The following TMTC1 variants were observed in gnomAD, a reference collection of about 807,000 sequenced individuals.
TMTC1 encodes transmembrane O-mannosyltransferase targeting cadherins 1.
Under a neutral mutation model 104.8 loss-of-function variants are expected in TMTC1, and 73 were observed. That is an observed-to-expected ratio of 0.70 (90% CI 0.58 to 0.85). The LOEUF (loss-of-function observed/expected upper bound fraction) is 0.85. Among genes scored for constraint, TMTC1 ranks in the 40% least tolerant of loss-of-function variants. The probability of loss-of-function intolerance (pLI) is 0.00; values close to 1 mark genes in which losing one functional copy is unlikely to be tolerated. For missense variants in TMTC1, 1,035 were observed against 1,096.1 expected, an observed-to-expected ratio of 0.94 and a Z score of 0.79; for synonymous variants, 434 against 428.7, an observed-to-expected ratio of 1.01 and a Z score of -0.15.
At chr12:29,708,624 T>C (rs1941815594) in intron 5 of TMTC1, among the ~76,000 whole-genome samples, 2 of 152,216 alleles carry the variant, frequency 1.3e-5, no homozygotes, top group Admixed American at 6.5e-5. Context: ...TGCTTCAGGA[T>C]ACCCAAAGTC....
chr12:29,530,948 T>C (rs139356791), intron 11 of TMTC1, among the ~76,000 whole-genome samples: 227 of 152,326 alleles, frequency 1.5e-3, no homozygotes, highest in Middle Eastern at 6.8e-3. Context: ...AAGGTAACCC[T>C]TTGGCAACCA....
chr12:29,501,396 C>T lies in TMTC1; in HGVS notation c.*5450G>A, dbSNP rs925734477. ...GTAACTATTAGAGTTACTCATTGAG[C>T]TTAATGGAAACATCAAACCGACGAG... On this transcript the variant is annotated 3_prime_UTR_variant, in exon 18 of 18. Transcript: ENST00000539277. The T allele has an allele frequency of 6.6e-6, 1 of 152,120 alleles. No individual in the cohort carries two copies. Among genetic ancestry groups the T allele is most frequent in the African/African-American group, 2.4e-5 (1 of 41,408 alleles). 9.4% of individuals were successfully genotyped at this position (152,120 alleles called of 1,614,324 possible).
At chr12:29,776,233 C>T (rs1943704225) in intron 1 of TMTC1, among the ~76,000 whole-genome samples, 1 of 152,146 alleles carries the variant, frequency 6.6e-6, no homozygotes, top group Non-Finnish European at 1.5e-5. Flanking sequence ...CTGCAACCTG[C>T]CACCTAAGAA....
intron 5 of TMTC1, among the ~76,000 whole-genome samples, chr12:29,703,669 G>A (rs1325532952): frequency 6.6e-6 from 1 of 152,180 alleles, no homozygotes; most frequent in African/African-American, 2.4e-5. Flanking sequence ...GAGAAGGACT[G>A]CAGACATCAT....
intron 7 of TMTC1, among the ~76,000 whole-genome samples, chr12:29,593,274 T>C (rs983792345): frequency 1.3e-5 from 2 of 152,206 alleles, no homozygotes; most frequent in Admixed American, 1.3e-4. Flanking sequence ...TGAAATAATG[T>C]ATGTAAACGT....
At chr12:29,626,598 G>T (rs1312029687) in intron 6 of TMTC1, among the ~76,000 whole-genome samples, 2 of 152,146 alleles carry the variant, frequency 1.3e-5, no homozygotes, top group Admixed American at 1.3e-4. Flanking sequence ...ACATGCAAAA[G>T]AATGAAGTTG....
At chr12:29,657,982 G>T (rs1359597998) in intron 5 of TMTC1, among the ~76,000 whole-genome samples, 1 of 151,890 alleles carries the variant, frequency 6.6e-6, no homozygotes, top group Non-Finnish European at 1.5e-5. Flanking sequence ...AGTCCCAGCT[G>T]CTTGGGAGGC....
At chr12:29,573,516 G>C (rs1945738560) in intron 8 of TMTC1, among the ~76,000 whole-genome samples, 1 of 152,170 alleles carries the variant, frequency 6.6e-6, no homozygotes, top group Non-Finnish European at 1.5e-5. Context: ...GAAGAAGTAG[G>C]AGGAGGGGAT....
Position 29,751,378 on chromosome 12 carries a change from G to A in TMTC1, c.938+288C>T, listed in dbSNP as rs750526260. Among the ~76,000 whole-genome samples the A allele has an allele frequency of 3.9e-4, 60 of 152,088 alleles. 1 individual carries two copies. Among genetic ancestry groups the A allele is most frequent in the South Asian group, 2.1e-4 (1 of 4,822 alleles). On this transcript the variant is annotated intron_variant, in intron 5 of 17. Transcript: ENST00000539277. Reference sequence around the variant, plus strand: ...AGAACGTTCTCCTCCCCCAGGAAACGTAGGGCGCCCATCTTCTGATGCCTG... The same window carrying A: ...AGAACGTTCTCCTCCCCCAGGAAACATAGGGCGCCCATCTTCTGATGCCTG...
intron 5 of TMTC1, among the ~76,000 whole-genome samples, chr12:29,657,796 T>C (rs1024176797): frequency 6.6e-6 from 1 of 152,072 alleles, no homozygotes; most frequent in Non-Finnish European, 1.5e-5. Flanking sequence ...AAAGCAAAGA[T>C]CACTGGCAGA....
chr12:29,641,993 A>C (rs1938875201), intron 5 of TMTC1, among the ~76,000 whole-genome samples: 1 of 152,186 alleles, frequency 6.6e-6, no homozygotes, highest in African/African-American at 2.4e-5. Context: ...GAAGAAATTC[A>C]GAGCTCAAAG....
intron 5 of TMTC1, among the ~76,000 whole-genome samples, chr12:29,725,610 C>T (rs1942368023): frequency 6.6e-6 from 1 of 152,032 alleles, no homozygotes; most frequent in Admixed American, 6.5e-5. Flanking sequence ...AACATGGCAC[C>T]CAGATAAATG....
At chr12:29,545,939 G>A (rs931347583) in intron 10 of TMTC1, among the ~76,000 whole-genome samples, 1 of 152,154 alleles carries the variant, frequency 6.6e-6, no homozygotes, top group African/African-American at 2.4e-5. Context: ...GTAGTTACTA[G>A]TATTATTTGC....
chr12:29,670,700 A>G (rs1227098009), intron 5 of TMTC1, among the ~76,000 whole-genome samples: 2 of 151,230 alleles, frequency 1.3e-5, no homozygotes, highest in Non-Finnish European at 3.0e-5. Context: ...AGGCTGAGAC[A>G]GGCAGACTGC....
At chr12:29,650,740 A>C (rs1591863199) in intron 5 of TMTC1, among the ~76,000 whole-genome samples, 1 of 152,226 alleles carries the variant, frequency 6.6e-6, no homozygotes, top group East Asian at 1.9e-4. Context: ...GGTGGGACGT[A>C]GACCTACTAA....
chr12:29,519,999 A>G (rs945009240), intron 12 of TMTC1, among the ~76,000 whole-genome samples: 1 of 152,262 alleles, frequency 6.6e-6, no homozygotes, highest in Non-Finnish European at 1.5e-5. Flanking sequence ...CTTTGGCCTT[A>G]CATTTAAATA....
At chr12:29,543,718 CAT>C (rs564189584) in intron 10 of TMTC1, among the ~76,000 whole-genome samples, 171 of 152,278 alleles carry the variant, frequency 1.1e-3, no homozygotes, top group African/African-American at 3.8e-3. Context: ...ACAGAGCACA[CAT>C]GTTTCTGTAG....
intron 11 of TMTC1, chr12:29,533,132 C>T (rs532130866): frequency 3.9e-5 from 6 of 152,132 alleles, no homozygotes; most frequent in East Asian, 1.9e-4. Context: ...AGATATTTAC[C>T]GTTACTTCCT....
Position 29,768,021 on chromosome 12 carries a change from T to C in TMTC1, c.357A>G (p.Ile119Met), listed in dbSNP as rs758569199. The C allele has an allele frequency of 6.2e-7, 1 of 1,613,696 alleles. No individual in the cohort carries two copies. Among genetic ancestry groups the C allele is most frequent in the Non-Finnish European group, 8.5e-7 (1 of 1,179,802 alleles). The stretch of plus-strand genomic sequence containing the variant: ...CAAGAGTCACTAAGCAGTGTAAAAT[T>C]ATATTTACTGCATGAAAGTAGAATG... Reference protein sequence around the residue: ...MNPFYFHAVNIILHCLVTLVL... With the variant: ...MNPFYFHAVNMILHCLVTLVL... Residue 119 changes from isoleucine to methionine, a missense_variant, in exon 2 of 18, where the codon ATA becomes ATG. Coordinates refer to ENST00000539277, the MANE Select transcript of TMTC1 (RefSeq NM_001193451.2).
Sources: allele counts gnomAD v4.1 joint callset (sites outside exome capture counted in the v4.1 genomes callset), GRCh38; gene constraint gnomAD v4.1.1; transcripts MANE v1.5; gene names NCBI Gene and HGNC (gene_info 2026-07-23, HGNC 2026-07-21).